The following TTC23 variants were observed in gnomAD, a reference collection of about 807,000 sequenced individuals.
The protein encoded by TTC23 is tetratricopeptide repeat protein 23.
In TTC23, 58 loss-of-function variants were observed where a neutral mutation model predicts 55.1. The observed-to-expected ratio is 1.05, with a 90% CI of 0.85 to 1.31. The LOEUF is 1.31. Ranked by LOEUF, TTC23 falls within the 50% of genes most tolerant of loss-of-function variation. The probability of loss-of-function intolerance (pLI) is 0.00; values close to 1 mark genes in which losing one functional copy is unlikely to be tolerated. For missense variants in TTC23, 516 were observed against 534.4 expected (o/e 0.97, Z 0.34); for synonymous variants, 203 against 199.9 (o/e 1.02, Z -0.13).
intron 6 of TTC23, 38 bp from the exon 7 acceptor site, chr15:99,219,086 A>G: frequency 6.2e-7 from 1 of 1,608,798 alleles, no homozygotes; most frequent in Non-Finnish European, 8.5e-7. Context: ...TTTCTCTATC[A>G]TCTCAACTGG....
intron 9 of TTC23, among the ~76,000 whole-genome samples, chr15:99,197,811 C>T (rs550797850): frequency 6.7e-4 from 102 of 151,526 alleles, no homozygotes; most frequent in Middle Eastern, 3.4e-3. Flanking sequence ...GAGGCTGAGG[C>T]AAGAGAATTG....
In TTC23 at chr15:99,193,752, A is replaced by G. The variant is rs147977558; in HGVS notation, c.759+6167T>C. ...ACTGGGCACGGTGGCTCACACCTAT[A>G]ATCCCAGAACTTTGGGAGGCTAAGG... On this transcript the variant is annotated intron_variant, in intron 9 of 13. Coordinates refer to ENST00000394132, the MANE Select transcript of TTC23 (RefSeq NM_001288615.3). Among the ~76,000 whole-genome samples, 238 of 152,280 alleles carry G rather than the reference A, an allele frequency of 1.6e-3. 2 individuals are homozygous for G. Among genetic ancestry groups the G allele is most frequent in the African/African-American group, 5.6e-3 (231 of 41,554 alleles).
chr15:99,235,537 A>AT (rs1052129455), intron 3 of TTC23, among the ~76,000 whole-genome samples: 8 of 151,640 alleles, frequency 5.3e-5, no homozygotes, highest in Non-Finnish European at 1.2e-4. Flanking sequence ...CGCCCAGCTA[A>AT]TTTTTTTGTA....
intron 8 of TTC23, among the ~76,000 whole-genome samples, chr15:99,209,921 T>C (rs748360989): frequency 3.3e-5 from 5 of 152,034 alleles, no homozygotes; most frequent in Non-Finnish European, 7.4e-5. Flanking sequence ...TTTGTAATTA[T>C]GTATTAGTTG....
intron 10 of TTC23, among the ~76,000 whole-genome samples, chr15:99,166,692 C>A (rs1164502628): frequency 6.6e-6 from 1 of 152,196 alleles, no homozygotes; most frequent in Non-Finnish European, 1.5e-5. Context: ...TCTCTTTCTT[C>A]CTTTAAGTCC....
intron 9 of TTC23, among the ~76,000 whole-genome samples, chr15:99,181,020 A>G (rs1414524758): frequency 2.0e-5 from 3 of 151,294 alleles, no homozygotes; most frequent in African/African-American, 7.4e-5. Context: ...TTTACCACTT[A>G]CCAGTTCACT....
chr15:99,158,027 G>C lies in TTC23; in HGVS notation c.994-1730C>G, dbSNP rs1300618979. The C allele has an allele frequency of 3.3e-5, 5 of 152,212 alleles. No individual in the cohort carries two copies. The South Asian group carries it at 6.2e-4, about 19-fold the overall frequency. The allele number at this position is 152,212 out of a possible 1,614,324, so 9.4% of individuals were successfully genotyped here. ...GACAAGGAGGGCGTTTAATCCTTTT[G>C]TTGGCAATAATACAAGTTAGGGGAT... On this transcript the variant is annotated intron_variant, in intron 11 of 13. Coordinates refer to ENST00000394132, the MANE Select transcript of TTC23 (RefSeq NM_001288615.3).
chr15:99,228,815 A>G (rs1307209318), intron 4 of TTC23, 83 bp from the exon 5 acceptor site: 1 of 1,149,396 alleles, frequency 8.7e-7, no homozygotes, highest in South Asian at 1.9e-5. Context: ...CACTATACCC[A>G]TAATTTCTTT....
At chr15:99,169,945 A>C (rs2072688583) in intron 10 of TTC23, among the ~76,000 whole-genome samples, 1 of 152,170 alleles carries the variant, frequency 6.6e-6, no homozygotes. Flanking sequence ...CTACTTCCAA[A>C]CAAGGCCGCC....
chr15:99,167,159 C>G (rs2072232774), intron 10 of TTC23, among the ~76,000 whole-genome samples: 1 of 152,320 alleles, frequency 6.6e-6, no homozygotes, highest in Non-Finnish European at 1.5e-5. Context: ...CTATCTCCAC[C>G]TGGGACAAGT....
intron 12 of TTC23, among the ~76,000 whole-genome samples, chr15:99,149,273 C>T (rs1263132211): frequency 3.3e-5 from 5 of 152,224 alleles, no homozygotes; most frequent in African/African-American, 1.2e-4. Flanking sequence ...GAACTGCACG[C>T]ACCACAGTGC....
At chr15:99,213,418 T>C (rs891627007) in intron 8 of TTC23, among the ~76,000 whole-genome samples, 17 of 152,342 alleles carry the variant, frequency 1.1e-4, no homozygotes, top group African/African-American at 3.8e-4. Context: ...GTTGCTAATT[T>C]GGAAAGCACT....
intron 12 of TTC23, among the ~76,000 whole-genome samples, chr15:99,146,415 A>T (rs2151848406): frequency 6.6e-6 from 1 of 152,330 alleles, no homozygotes; most frequent in South Asian, 2.1e-4. Context: ...CACACCAGCC[A>T]TCCCTGACCA....
intron 3 of TTC23, among the ~76,000 whole-genome samples, chr15:99,239,842 CAT>C (rs1251055871): frequency 3.3e-4 from 50 of 152,340 alleles, no homozygotes; most frequent in Non-Finnish European, 6.6e-4. Flanking sequence ...TATACTTTCA[CAT>C]GTTTTATCTC....
intron 8 of TTC23, among the ~76,000 whole-genome samples, chr15:99,202,121 A>G (rs1360631425): frequency 2.0e-5 from 3 of 152,220 alleles, no homozygotes; most frequent in African/African-American, 7.2e-5. Flanking sequence ...CATATGGCCT[A>G]CAACATCTGA....
chr15:99,183,572 C>T (rs970239102), intron 9 of TTC23, among the ~76,000 whole-genome samples: 2 of 145,764 alleles, frequency 1.4e-5, no homozygotes, highest in African/African-American at 2.6e-5. Context: ...ATCTCCTGAC[C>T]TTGTGATCCA....
At chr15:99,152,822 G>C (rs551986103) in intron 12 of TTC23, among the ~76,000 whole-genome samples, 1 of 151,264 alleles carries the variant, frequency 6.6e-6, no homozygotes, top group African/African-American at 2.4e-5. Context: ...TTTTTTTACA[G>C]GGTCTCACTT....
intron 8 of TTC23, among the ~76,000 whole-genome samples, chr15:99,215,354 G>C (rs2077391906): frequency 6.6e-6 from 1 of 152,084 alleles, no homozygotes; most frequent in African/African-American, 2.4e-5. Context: ...AAAGGTCCTT[G>C]CATTGTTCAG....
chr15:99,179,072 T>C (rs1345912504), intron 9 of TTC23, among the ~76,000 whole-genome samples: 2 of 152,166 alleles, frequency 1.3e-5, no homozygotes, highest in Non-Finnish European at 2.9e-5. Context: ...GGTCAGCCTC[T>C]GGGGCACAGA....
Sources: allele counts gnomAD v4.1 joint callset (sites outside exome capture counted in the v4.1 genomes callset), GRCh38; gene constraint gnomAD v4.1.1; transcripts MANE v1.5; gene names NCBI Gene and HGNC (gene_info 2026-07-23, HGNC 2026-07-21).